DAAM2: variants seen among roughly 807,000 people sequenced by gnomAD.
DAAM2 encodes the protein dishevelled associated activator of morphogenesis 2, also known as disheveled-associated activator of morphogenesis 2.
In DAAM2, 39 loss-of-function variants were observed where a neutral mutation model predicts 120.7. The ratio of observed to expected loss-of-function variants is 0.32; its 90% confidence interval spans 0.25 to 0.42. The LOEUF is 0.42. DAAM2 is among the 10% of genes least tolerant of loss of function. DAAM2 has a pLI of 1.00. For missense variants in DAAM2, 1,283 were observed against 1,401.7 expected (o/e 0.92, Z 1.35); for synonymous variants, 488 against 524.9 (o/e 0.93, Z 0.96).
At position 39,903,562 on chromosome 6, in the gene DAAM2, C is replaced by T. The variant is rs763553427; in HGVS notation, c.*1525C>T. On this transcript the variant is annotated 3_prime_UTR_variant, in exon 25 of 25. Transcript: ENST00000274867. ...GCCTTTCATCTTCTTTGAGACTGGC[C>T]CTGCCTAACCTCTACCATCAATGAG... The T allele has an allele frequency of 6.6e-6, 1 of 152,542 alleles. No homozygotes were observed. The highest frequency in any genetic ancestry group is 6.5e-5 in the Admixed American group (1 of 15,302). The allele number at this position is 152,542 out of a possible 1,614,324, so 9.4% of individuals were successfully genotyped here. A position where few individuals can be genotyped will look rare whatever the true frequency, so the allele number is the denominator to read the frequency against.
chr6:39,817,153 A>G (rs1208419888), intron 1 of DAAM2, among the ~76,000 whole-genome samples: 5 of 152,218 alleles, frequency 3.3e-5, no homozygotes, highest in South Asian at 2.1e-4. Flanking sequence ...GGATCCCAAC[A>G]TACACAACAG....
At chr6:39,831,041 C>G (rs2114194186) in intron 1 of DAAM2, among the ~76,000 whole-genome samples, 1 of 152,314 alleles carries the variant, frequency 6.6e-6, no homozygotes, top group African/African-American at 2.4e-5. Context: ...GATGAGTAAA[C>G]TAAGGCATGT....
chr6:39,891,302 T>A, intron 17 of DAAM2, 39 bp from the exon 18 acceptor site: 1 of 1,488,304 alleles, frequency 6.7e-7, no homozygotes, highest in Non-Finnish European at 9.2e-7. Context: ...TGTCTGCTGC[T>A]CACCAGTTGC....
At chr6:39,877,682 AGCTTG>A (rs1764926045) in intron 11 of DAAM2, among the ~76,000 whole-genome samples, 1 of 152,198 alleles carries the variant, frequency 6.6e-6, no homozygotes, top group South Asian at 2.1e-4. Flanking sequence ...CAGTTTCAAG[AGCTTG>A]GCATGAACAA....
chr6:39,897,725 A>G (rs1766197804), intron 21 of DAAM2, among the ~76,000 whole-genome samples: 1 of 152,106 alleles, frequency 6.6e-6, no homozygotes, highest in African/African-American at 2.4e-5. Flanking sequence ...AGCACCTTAA[A>G]TCTCCACCTA....
intron 1 of DAAM2, among the ~76,000 whole-genome samples, chr6:39,804,883 G>T (rs139211200): frequency 6.6e-6 from 1 of 152,198 alleles, no homozygotes; most frequent in African/African-American, 2.4e-5. Context: ...AAGCTGCCTG[G>T]TATGAGACAC....
chr6:39,800,685 C>G lies in DAAM2; in HGVS notation c.-57+8220C>G, dbSNP rs1582588720. On this transcript the variant is annotated intron_variant, in intron 1 of 24. Transcript: ENST00000274867. ...CAGGCACTCCTGTCCATGCTCCTCT[C>G]CTGGGTCACCCTGAAACCAATGATG... Among the ~76,000 whole-genome samples the G allele has an allele frequency of 2.0e-5, 3 of 152,208 alleles. No homozygotes were observed. In the South Asian group the frequency reaches 6.2e-4, roughly 31 times the overall value.
chr6:39,851,730 C>A (rs1243542439), intron 1 of DAAM2, among the ~76,000 whole-genome samples: 1 of 152,186 alleles, frequency 6.6e-6, no homozygotes, highest in Non-Finnish European at 1.5e-5. Flanking sequence ...CAGAGGACAG[C>A]CCCTTGGGAA....
At chr6:39,819,114 A>G (rs528835818) in intron 1 of DAAM2, 5 of 152,200 alleles carry the variant, frequency 3.3e-5, no homozygotes, top group African/African-American at 9.7e-5. Context: ...GCCATTTTGC[A>G]TGCACTAACT....
rs1434358321 is a variant in DAAM2 at position 39,904,602 on chromosome 6, G to A, written c.*2565G>A. On this transcript the variant is annotated 3_prime_UTR_variant, in exon 25 of 25. Transcript: ENST00000274867. ...GGAAATAAAGTGTTTAGGGCAGTGG[G>A]AGGAGAAAATTCTCCAGGTGAATGG... 2 of 454,148 alleles carry A rather than the reference G, an allele frequency of 4.4e-6. No individual in the cohort carries two copies. Among genetic ancestry groups the A allele is most frequent in the South Asian group, 3.1e-5 (2 of 64,488 alleles). The allele number at this position is 454,148 out of a possible 1,614,324, so 28.1% of individuals were successfully genotyped here. A position where few individuals can be genotyped will look rare whatever the true frequency, so the allele number is the denominator to read the frequency against.
At chr6:39,868,099 T>G (rs774866277) in intron 6 of DAAM2, 2 of 493,422 alleles carry the variant, frequency 4.1e-6, no homozygotes, top group Non-Finnish European at 7.3e-6. Context: ...AGTGGGTTCC[T>G]GGAAGCCGGA....
intron 1 of DAAM2, among the ~76,000 whole-genome samples, chr6:39,850,117 G>A (rs926324417): frequency 6.6e-6 from 1 of 152,198 alleles, no homozygotes; most frequent in East Asian, 1.9e-4. Flanking sequence ...CATCAAACCA[G>A]GGTACTCGCA....
Position 39,862,698 on chromosome 6 carries a change from G to A in DAAM2, c.258+1681G>A, listed in dbSNP as rs573917766. ...CACATGCCTGTAATCCCAGCTACTCGGGAGGCTGAGGCAGGAAAATCACTT... is the reference window on the plus strand; with the variant it reads ...CACATGCCTGTAATCCCAGCTACTCAGGAGGCTGAGGCAGGAAAATCACTT... On this transcript the variant is annotated intron_variant, in intron 3 of 24. Coordinates refer to ENST00000274867, the MANE Select transcript of DAAM2 (RefSeq NM_001201427.2). The A allele has an allele frequency of 2.8e-3, 413 of 148,098 alleles. 6 individuals are homozygous for A. The highest frequency in any genetic ancestry group is 3.2e-3 in the Non-Finnish European group (216 of 67,656). The allele number at this position is 148,098 out of a possible 1,614,324, so 9.2% of individuals were successfully genotyped here. A position where few individuals can be genotyped will look rare whatever the true frequency, so the allele number is the denominator to read the frequency against.
At chr6:39,806,847 A>G (rs1447678335) in intron 1 of DAAM2, among the ~76,000 whole-genome samples, 2 of 125,268 alleles carry the variant, frequency 1.6e-5, no homozygotes, top group African/African-American at 5.5e-5. Flanking sequence ...TGGCAAAAAA[A>G]AAAAAAAAGA....
intron 1 of DAAM2, among the ~76,000 whole-genome samples, chr6:39,808,528 C>T (rs1415046136): frequency 2.6e-5 from 4 of 152,212 alleles, no homozygotes; most frequent in Non-Finnish European, 5.9e-5. Context: ...GGGAAAGTAC[C>T]CACCACTGGG....
rs777098135 is a variant in DAAM2 at position 39,900,122 on chromosome 6, T to C, written c.2725T>C (p.Phe909Leu). 1.2e-6 allele frequency: 2 copies of C among 1,601,318 alleles called. No individual in the cohort carries two copies. The highest frequency in any genetic ancestry group is 1.7e-5 in the Admixed American group (1 of 58,574). The change falls in exon 23 of 25, where the codon TTT (phenylalanine) becomes CTT (leucine). Residue 909 changes from phenylalanine to leucine, a missense_variant. By Grantham distance (22) the Phe-to-Leu change is conservative. Transcript: ENST00000274867. ...CCAGGTACGGGAGCCCAGTGACAAG[T>C]TTGTCCCTGTCATGAGCGACTTCAT... ...RRQVREPSDK[F>L]VPVMSDFITV...
intron 1 of DAAM2, among the ~76,000 whole-genome samples, chr6:39,849,352 G>C (rs1763719727): frequency 6.6e-6 from 1 of 152,166 alleles, no homozygotes; most frequent in Non-Finnish European, 1.5e-5. Flanking sequence ...TGAAATTACA[G>C]AAAGAAAACT....
intron 1 of DAAM2, among the ~76,000 whole-genome samples, chr6:39,831,906 A>C: frequency 1.1e-5 from 1 of 91,564 alleles, no homozygotes. Context: ...ACTGGGGGGC[A>C]GGTGCACTGA....
At chr6:39,818,832 GT>G in intron 1 of DAAM2, 2 of 152,282 alleles carry the variant, frequency 1.3e-5, no homozygotes, top group East Asian at 3.9e-4. Context: ...GTCGCTCTGT[GT>G]TTTTTGCTAC....
Sources: allele counts gnomAD v4.1 joint callset (sites outside exome capture counted in the v4.1 genomes callset), GRCh38; gene constraint gnomAD v4.1.1; transcripts MANE v1.5; gene names NCBI Gene and HGNC (gene_info 2026-07-23, HGNC 2026-07-21).